ULK4: variants seen among roughly 807,000 people sequenced by gnomAD.
ULK4 encodes the protein unc-51 like kinase 4.
ULK4 carries 133 observed loss-of-function variants against 160.6 expected under a neutral mutation model. The ratio of observed to expected loss-of-function variants is 0.83; its 90% CI spans 0.72 to 0.96. The LOEUF is 0.96. Among genes scored for constraint, ULK4 ranks in the 40% least tolerant of loss-of-function variants. The probability of loss-of-function intolerance (pLI) is 0.00; values close to 1 mark genes in which losing one functional copy is unlikely to be tolerated. For synonymous variants in ULK4, 534 were observed against 539.8 expected (o/e 0.99, Z 0.15); for missense variants, 1,580 against 1,499.5 (o/e 1.05, Z -0.89).
At chr3:41,815,584 G>T (rs1231302485) in intron 19 of ULK4, among the ~76,000 whole-genome samples, 2 of 152,110 alleles carry the variant, frequency 1.3e-5, no homozygotes, top group Non-Finnish European at 2.9e-5. Flanking sequence ...AGCTTCTTGT[G>T]GGATTTCCCT....
At chr3:41,847,059 CTG>C (rs1397371723) in intron 17 of ULK4, among the ~76,000 whole-genome samples, 1 of 152,176 alleles carries the variant, frequency 6.6e-6, no homozygotes, top group Non-Finnish European at 1.5e-5. Context: ...TAATTTAAGA[CTG>C]TACTGCCATT....
intron 34 of ULK4, among the ~76,000 whole-genome samples, chr3:41,442,269 G>A (rs1407592365): frequency 6.6e-6 from 1 of 152,126 alleles, no homozygotes; most frequent in African/African-American, 2.4e-5. Flanking sequence ...GGAAAAACGG[G>A]TAACATAAGA....
At chr3:41,929,470 T>C (rs557649846) in intron 5 of ULK4, among the ~76,000 whole-genome samples, 1 of 152,270 alleles carries the variant, frequency 6.6e-6, no homozygotes, top group African/African-American at 2.4e-5. Context: ...CTATTCAACA[T>C]AGTATTGGAA....
intron 22 of ULK4, among the ~76,000 whole-genome samples, chr3:41,730,933 A>G (rs186340919): frequency 1.3e-5 from 2 of 152,264 alleles, no homozygotes; most frequent in African/African-American, 2.4e-5. Flanking sequence ...AACAAAAACC[A>G]TATGATTTCA....
chr3:41,759,314 C>A (rs1269284199), intron 21 of ULK4, among the ~76,000 whole-genome samples: 1 of 152,168 alleles, frequency 6.6e-6, no homozygotes, highest in East Asian at 1.9e-4. Context: ...TTAGCAAAAT[C>A]TGGTATATTT....
intron 19 of ULK4, among the ~76,000 whole-genome samples, chr3:41,804,874 T>C (rs1220085383): frequency 6.6e-6 from 1 of 152,190 alleles, no homozygotes; most frequent in African/African-American, 2.4e-5. Flanking sequence ...CATGCTGTTT[T>C]GGTTACTGTA....
intron 2 of ULK4, among the ~76,000 whole-genome samples, chr3:41,946,245 A>C (rs1232643497): frequency 6.6e-6 from 1 of 152,232 alleles, no homozygotes; most frequent in African/African-American, 2.4e-5. Context: ...GCAATAACAC[A>C]GGTGAATCTC....
chr3:41,276,791 C>T (rs1485212748), intron 35 of ULK4, among the ~76,000 whole-genome samples: 2 of 152,180 alleles, frequency 1.3e-5, no homozygotes, highest in Non-Finnish European at 2.9e-5. Context: ...AGACAATGAA[C>T]TACATAAAAC....
chr3:41,563,149 T>C (rs989603037), intron 32 of ULK4, among the ~76,000 whole-genome samples: 1 of 152,216 alleles, frequency 6.6e-6, no homozygotes, highest in Non-Finnish European at 1.5e-5. Context: ...AAATTCTGGA[T>C]TGAAAATTCT....
intron 35 of ULK4, among the ~76,000 whole-genome samples, chr3:41,322,172 C>T (rs1157966109): frequency 7.0e-6 from 1 of 143,626 alleles, no homozygotes; most frequent in African/African-American, 2.7e-5. Flanking sequence ...GGTGGGACAA[C>T]GAGTGTGCAC....
chr3:41,747,713 T>C (rs2038465292), intron 22 of ULK4, among the ~76,000 whole-genome samples: 1 of 151,996 alleles, frequency 6.6e-6, no homozygotes, highest in South Asian at 2.1e-4. Flanking sequence ...ATGGTGTCCT[T>C]AAAGAGGAAA....
At chr3:41,878,792 A>T (rs1575873251) in intron 17 of ULK4, among the ~76,000 whole-genome samples, 1 of 152,024 alleles carries the variant, frequency 6.6e-6, no homozygotes, top group Non-Finnish European at 1.5e-5. Context: ...GAGTCTAGTG[A>T]TCAACTTTAA....
intron 1 of ULK4, among the ~76,000 whole-genome samples, chr3:41,961,072 T>C (rs1700646960): frequency 6.6e-6 from 1 of 152,228 alleles, no homozygotes; most frequent in African/African-American, 2.4e-5. Flanking sequence ...TAACCTATAG[T>C]GCTCCTAAGG....
chr3:41,624,798 G>C (rs1483181797), intron 30 of ULK4, among the ~76,000 whole-genome samples: 2 of 152,112 alleles, frequency 1.3e-5, no homozygotes, highest in Admixed American at 1.3e-4. Flanking sequence ...GTATTCCATT[G>C]TGTACATATG....
intron 34 of ULK4, among the ~76,000 whole-genome samples, chr3:41,449,398 C>G (rs2083375905): frequency 6.6e-6 from 1 of 151,956 alleles, no homozygotes; most frequent in Non-Finnish European, 1.5e-5. Flanking sequence ...TATGGCGTAT[C>G]CAGTGGAAAT....
At chr3:41,411,467 G>A (rs1219299649) in intron 34 of ULK4, among the ~76,000 whole-genome samples, 10 of 143,220 alleles carry the variant, frequency 7.0e-5, no homozygotes, top group Admixed American at 4.4e-4. Flanking sequence ...TCACTCTGTC[G>A]CCCAGGCTGG....
intron 22 of ULK4, among the ~76,000 whole-genome samples, chr3:41,748,256 C>CAT (rs1176837578): frequency 6.0e-5 from 9 of 149,744 alleles, no homozygotes; most frequent in African/African-American, 2.0e-4. Context: ...ATATAGAGAT[C>CAT]ATATATATAT....
chr3:41,582,535 G>A (rs1280711453), intron 31 of ULK4, among the ~76,000 whole-genome samples: 3 of 152,282 alleles, frequency 2.0e-5, no homozygotes, highest in East Asian at 1.9e-4. Flanking sequence ...CAGCCCCATA[G>A]AGCCTATGCT....
chr3:41,834,089 G>C (rs942878433), intron 18 of ULK4, among the ~76,000 whole-genome samples: 4 of 150,678 alleles, frequency 2.7e-5, no homozygotes, highest in African/African-American at 9.7e-5. Context: ...ATATTTATTG[G>C]GGAGCTGGAC....
Sources: gnomAD v4.1 joint callset for allele counts (sites outside exome capture counted in the v4.1 genomes callset) on GRCh38, gnomAD v4.1.1 for gene constraint, MANE v1.5 for transcripts, NCBI Gene and HGNC (gene_info 2026-07-23, HGNC 2026-07-21) for gene names.